SERPINF1: variants seen among roughly 807,000 people sequenced by gnomAD.
SERPINF1 encodes the protein serpin family F member 1.
Under a neutral mutation model 37.3 loss-of-function variants are expected in SERPINF1, and 29 were observed. The ratio of observed to expected loss-of-function variants is 0.78; its 90% CI spans 0.58 to 1.06. The LOEUF (loss-of-function observed/expected upper bound fraction) is 1.06, where lower values mean the gene tolerates loss of function less well. Among genes scored for constraint, SERPINF1 ranks in the 50% least tolerant of loss-of-function variants. The pLI is 0.00. For synonymous variants in SERPINF1, 281 were observed against 227.9 expected (o/e 1.23, Z -2.10); for missense variants, 553 against 532.2 (o/e 1.04, Z -0.38).
Position 1,777,529 on chromosome 17 carries a change from G to C in SERPINF1, c.*83G>C. Reference sequence around the variant, plus strand: ...CAGGACACGAAGGCTGCCCCTGTAAGGTTTCAATGCATACAATAAAAGAGC... The same window carrying C: ...CAGGACACGAAGGCTGCCCCTGTAACGTTTCAATGCATACAATAAAAGAGC... On this transcript the variant is annotated 3_prime_UTR_variant, in exon 8 of 8. Coordinates refer to ENST00000254722, the MANE Select transcript of SERPINF1 (RefSeq NM_002615.7). 6.5e-7 allele frequency: 1 copy of C among 1,539,442 alleles called. No individual in the cohort carries two copies.
chr17:1,774,860 C>G (rs1404777647), intron 5 of SERPINF1, among the ~76,000 whole-genome samples, 198 bp from the exon 6 acceptor site: 1 of 152,132 alleles, frequency 6.6e-6, no homozygotes, highest in East Asian at 1.9e-4. Flanking sequence ...TGGTGAAGGG[C>G]ACTTGGGGTC....
chr17:1,771,659 A>AG (rs1907742972), intron 4 of SERPINF1: 1 of 610,724 alleles, frequency 1.6e-6, no homozygotes. Context: ...TGGGAGGGGC[A>AG]GGGAGGGCAG....
intron 3 of SERPINF1, chr17:1,770,747 A>T (rs986996266): frequency 6.2e-5 from 25 of 401,738 alleles, no homozygotes; most frequent in Non-Finnish European, 1.1e-4. Flanking sequence ...GGCGTGAGCC[A>T]CCGCGCCTGG....
At chr17:1,772,399 A>G (rs981085542) in intron 5 of SERPINF1, among the ~76,000 whole-genome samples, 2 of 151,846 alleles carry the variant, frequency 1.3e-5, no homozygotes, top group African/African-American at 4.8e-5. Context: ...TACAAGCTTG[A>G]GCCACCACGC....
At chr17:1,771,676 G>A (rs189044234) in intron 4 of SERPINF1, 196 bp from the exon 5 acceptor site, 31 of 642,134 alleles carry the variant, frequency 4.8e-5, no homozygotes, top group Middle Eastern at 4.1e-4. Context: ...GCAGTGGCGC[G>A]ATGTGGGGAA....
intron 5 of SERPINF1, among the ~76,000 whole-genome samples, chr17:1,773,317 C>A (rs1907853176): frequency 6.6e-6 from 1 of 152,146 alleles, no homozygotes; most frequent in Non-Finnish European, 1.5e-5. Context: ...CATCTTGGCT[C>A]ACTACAGCCT....
At chr17:1,765,318 A>T (rs1422078601) in intron 1 of SERPINF1, among the ~76,000 whole-genome samples, 1 of 145,272 alleles carries the variant, frequency 6.9e-6, no homozygotes, top group Non-Finnish European at 1.5e-5. Context: ...ATTTTATTTT[A>T]TTTTATTTTA....
intron 1 of SERPINF1, among the ~76,000 whole-genome samples, chr17:1,765,402 A>G (rs1349363229): frequency 6.6e-6 from 1 of 151,674 alleles, no homozygotes; most frequent in East Asian, 1.9e-4. Flanking sequence ...GCTCACTGCA[A>G]CCTCTGCCTC....
chr17:1,774,339 AC>A (rs1363684456), intron 5 of SERPINF1, among the ~76,000 whole-genome samples: 3 of 152,064 alleles, frequency 2.0e-5, no homozygotes, highest in Non-Finnish European at 4.4e-5. Flanking sequence ...GGGATTACAG[AC>A]ACCCACCACT....
In SERPINF1 at chr17:1,777,483, C is replaced by T; in HGVS notation, c.*37C>T. The T allele has an allele frequency of 6.2e-7, 1 of 1,613,486 alleles. No homozygotes were observed. The highest frequency in any genetic ancestry group is 8.5e-7 in the Non-Finnish European group (1 of 1,179,906). ...AATATTCCAATACCCTAGAAGAAAA[C>T]CCGAGGGACAGCAGATTCCACAGGA... On this transcript the variant is annotated 3_prime_UTR_variant, in exon 8 of 8. Transcript: ENST00000254722.
At chr17:1,774,600 G>A (rs1279446004) in intron 5 of SERPINF1, among the ~76,000 whole-genome samples, 2 of 152,086 alleles carry the variant, frequency 1.3e-5, no homozygotes, top group Non-Finnish European at 1.5e-5. Context: ...CTGAAGGGCT[G>A]GGACTACAGG....
At chr17:1,774,065 C>G (rs540883565) in intron 5 of SERPINF1, among the ~76,000 whole-genome samples, 2 of 152,306 alleles carry the variant, frequency 1.3e-5, no homozygotes, top group South Asian at 2.1e-4. Flanking sequence ...AGTTACTTCA[C>G]CTCTTTGGCT....
rs61185169 is a variant in SERPINF1, at chr17:1,776,018, T to C, written c.787-514T>C. ...TTTCTGTCAACGATTTCGGAGACTC[T>C]TGGGATCCCTGACACCATCTGTTCC... On this transcript the variant is annotated intron_variant, in intron 6 of 7. Coordinates refer to ENST00000254722, the MANE Select transcript of SERPINF1 (RefSeq NM_002615.7). Among the ~76,000 whole-genome samples, 1,099 of 152,224 alleles carry C rather than the reference T, an allele frequency of 7.2e-3. 20 individuals are homozygous for C. The highest frequency in any genetic ancestry group is 0.024 in the African/African-American group (1,011 of 41,530).
At chr17:1,771,290 C>T (rs1180629089) in intron 4 of SERPINF1, 106 bp downstream of exon 4, 252 of 1,244,690 alleles carry the variant, frequency 2.0e-4, no homozygotes, top group Non-Finnish European at 2.7e-4. Context: ...GCTCTGTTGC[C>T]CAGGCTGGAG....
In SERPINF1 at chr17:1,768,157, C is replaced by T. The variant is rs573968928; in HGVS notation, c.84+1163C>T. Among the ~76,000 whole-genome samples, 9 of 128,296 alleles carry T rather than the reference C, an allele frequency of 7.0e-5. No homozygotes were observed. The East Asian group carries it at 7.2e-4, about 10-fold the overall frequency. The allele number at this position is 128,296 out of a possible 152,430, so 84.2% of individuals were successfully genotyped here. On this transcript the variant is annotated intron_variant, in intron 2 of 7. Coordinates refer to ENST00000254722, the MANE Select transcript of SERPINF1 (RefSeq NM_002615.7). ...ATTAAGACTGCAGTGAGGGGCCGGG[C>T]GCGGTGGCTCACGCCTGTAATCCCA...
Position 1,766,889 on chromosome 17 carries a change from T to C in SERPINF1, c.-8-14T>C, listed in dbSNP as rs1210788755. On this transcript the variant is annotated splice_polypyrimidine_tract_variant and intron_variant, in intron 1 of 7. Transcript: ENST00000254722. ...CGGGGGAGAGCGGCTTGCTGCCTCGTTCTTTTCTTGCAGGCCCCAGGATGC... is the reference window on the plus strand; with the variant it reads ...CGGGGGAGAGCGGCTTGCTGCCTCGCTCTTTTCTTGCAGGCCCCAGGATGC... 1 of 1,552,328 alleles carries C rather than the reference T, an allele frequency of 6.4e-7. No homozygotes were observed. The highest frequency in any genetic ancestry group is 1.4e-5 in the African/African-American group (1 of 73,132).
chr17:1,770,088 G>C, intron 3 of SERPINF1, 38 bp downstream of exon 3: 1 of 1,607,136 alleles, frequency 6.2e-7, no homozygotes, highest in Non-Finnish European at 8.5e-7. Flanking sequence ...GGCAGACCTG[G>C]AGAGGCCCCC....
intron 1 of SERPINF1, among the ~76,000 whole-genome samples, chr17:1,763,167 AG>A (rs1907185230): frequency 1.3e-5 from 2 of 152,114 alleles, no homozygotes; most frequent in South Asian, 4.1e-4. Flanking sequence ...GGGGAGGGGG[AG>A]GTGCCCTTCC....
intron 7 of SERPINF1, among the ~76,000 whole-genome samples, 193 bp from the exon 8 acceptor site, chr17:1,776,994 C>T (rs565832228): frequency 1.3e-5 from 2 of 151,648 alleles, no homozygotes; most frequent in Non-Finnish European, 2.9e-5. Flanking sequence ...TCTGTCTGAC[C>T]TGTTTTCTCA....
Sources: gnomAD v4.1 joint callset for allele counts (sites outside exome capture counted in the v4.1 genomes callset) on GRCh38, gnomAD v4.1.1 for gene constraint, MANE v1.5 for transcripts, NCBI Gene and HGNC (gene_info 2026-07-23, HGNC 2026-07-21) for gene names.